ST3GAL3: variants seen among roughly 807,000 people sequenced by gnomAD.
ST3GAL3 encodes CMP-N-acetylneuraminate-beta-1,4-galactoside alpha-2,3-sialyltransferase.
ST3GAL3 carries 21 observed loss-of-function variants against 50.1 expected under a neutral mutation model. That is an observed-to-expected ratio of 0.42 (90% CI 0.30 to 0.60). The LOEUF is 0.60. Ranked by LOEUF, ST3GAL3 falls within the 20% of genes least tolerant of loss-of-function variation. The probability of loss-of-function intolerance (pLI) is 0.19; values close to 1 mark genes in which losing one functional copy is unlikely to be tolerated. For synonymous variants in ST3GAL3, 183 were observed against 190.0 expected (o/e 0.96, Z 0.30); for missense variants, 353 against 489.4 (o/e 0.72, Z 2.63).
rs141067037 is a variant in ST3GAL3 at position 43,887,675 on chromosome 1, A to C, written c.303-6708A>C. ...AATTGAGCAAGAATTGGGTTTGCGT[A>C]GAATATGAGACAGATGCTGAAACCT... On this transcript the variant is annotated intron_variant, in intron 5 of 11. Transcript: ENST00000347631. Among the ~76,000 whole-genome samples, 1,499 of 152,292 alleles carry C rather than the reference A, an allele frequency of 9.8e-3. 13 individuals carry two copies. The highest frequency in any genetic ancestry group is 0.017 in the Middle Eastern group (5 of 294).
At position 43,904,303 on chromosome 1, in the gene ST3GAL3, G is replaced by A. The variant is rs182481896; in HGVS notation, c.744+4576G>A. Among the ~76,000 whole-genome samples the A allele has an allele frequency of 9.9e-5, 15 of 152,218 alleles. No homozygotes were observed. In the East Asian group the frequency reaches 2.1e-3, roughly 22 times the overall value. ...GCACCTTCACCTGTTCCCTGTTCAA[G>A]CCTGAGAGGGATGCAGAGCCTTAGC... On this transcript the variant is annotated intron_variant, in intron 9 of 11. Transcript: ENST00000347631.
chr1:43,835,379 G>C (rs1200601556), intron 4 of ST3GAL3, among the ~76,000 whole-genome samples: 2 of 152,120 alleles, frequency 1.3e-5, no homozygotes. Context: ...ATAGTCAGGA[G>C]GCCATTTCTA....
intron 5 of ST3GAL3, 179 bp downstream of exon 5, chr1:43,838,490 C>A: frequency 1.6e-6 from 1 of 639,176 alleles, no homozygotes; most frequent in Non-Finnish European, 2.9e-6. Context: ...GTTGCTTTGC[C>A]TTACTCCCAT....
intron 4 of ST3GAL3, among the ~76,000 whole-genome samples, chr1:43,827,767 C>T (rs1400466246): frequency 6.6e-6 from 1 of 152,134 alleles, no homozygotes; most frequent in Non-Finnish European, 1.5e-5. Flanking sequence ...CTGCTTTGGC[C>T]TCCCAAAGTG....
intron 5 of ST3GAL3, among the ~76,000 whole-genome samples, chr1:43,883,459 A>G (rs2075485227): frequency 6.6e-6 from 1 of 152,238 alleles, no homozygotes; most frequent in Non-Finnish European, 1.5e-5. Context: ...AAGAGCATGA[A>G]CTGAGTGCCT....
intron 2 of ST3GAL3, among the ~76,000 whole-genome samples, chr1:43,787,090 C>T (rs2057440189): frequency 6.6e-6 from 1 of 152,234 alleles, no homozygotes; most frequent in South Asian, 2.1e-4. Flanking sequence ...ACACAGGAAA[C>T]ATCTGACTAT....
chr1:43,821,537 T>C (rs1014429034), intron 4 of ST3GAL3, among the ~76,000 whole-genome samples: 4 of 152,122 alleles, frequency 2.6e-5, no homozygotes, highest in East Asian at 1.9e-4. Context: ...AAGTAGGAAA[T>C]TGGACCAAGA....
At chr1:43,828,027 A>G (rs1239621810) in intron 4 of ST3GAL3, among the ~76,000 whole-genome samples, 1 of 152,268 alleles carries the variant, frequency 6.6e-6, no homozygotes, top group Non-Finnish European at 1.5e-5. Context: ...GATACAATCA[A>G]GATAGCGTAG....
chr1:43,865,237 T>C (rs1254697145), intron 5 of ST3GAL3, among the ~76,000 whole-genome samples: 1 of 151,924 alleles, frequency 6.6e-6, no homozygotes, highest in Admixed American at 6.6e-5. Context: ...CCAGGATGGT[T>C]TCGATCTCCT....
At chr1:43,854,086 C>T (rs1355927743) in intron 5 of ST3GAL3, among the ~76,000 whole-genome samples, 1 of 152,154 alleles carries the variant, frequency 6.6e-6, no homozygotes, top group African/African-American at 2.4e-5. Flanking sequence ...GCGTCCTTGC[C>T]AAATTTTGTC....
chr1:43,922,536 C>G (rs112353926), intron 11 of ST3GAL3: 2 of 151,404 alleles, frequency 1.3e-5, no homozygotes, highest in Admixed American at 6.6e-5. Context: ...CATGGTGGCT[C>G]ACGCCTGTAA....
chr1:43,917,171 A>G (rs2081950316), intron 9 of ST3GAL3: 2 of 151,904 alleles, frequency 1.3e-5, no homozygotes, highest in Non-Finnish European at 2.9e-5. Flanking sequence ...CCCTCAGCAG[A>G]CTACCACTAG....
intron 9 of ST3GAL3, among the ~76,000 whole-genome samples, chr1:43,910,630 C>T (rs1459965096): frequency 6.6e-6 from 1 of 152,222 alleles, no homozygotes; most frequent in Non-Finnish European, 1.5e-5. Flanking sequence ...GCGAGAGCAA[C>T]AGGGCCTGGG....
chr1:43,824,837 T>C (rs2062579760), intron 4 of ST3GAL3: 1 of 1,168,778 alleles, frequency 8.6e-7, no homozygotes, highest in Non-Finnish European at 1.3e-6. Flanking sequence ...TCTAGAGATT[T>C]TGAAGTCACT....
chr1:43,756,539 G>A (rs1471320295), intron 2 of ST3GAL3, among the ~76,000 whole-genome samples: 1 of 106,652 alleles, frequency 9.4e-6, no homozygotes, highest in African/African-American at 3.5e-5. Context: ...AACTATATAT[G>A]TATTGTATAC....
At chr1:43,770,211 T>TGAGGAGAGGAGAGGGGAGGG (rs544506145) in intron 2 of ST3GAL3, among the ~76,000 whole-genome samples, 4 of 92,022 alleles carry the variant, frequency 4.3e-5, no homozygotes, top group South Asian at 3.8e-4. Context: ...CAGAGAGAAG[T>TGAGGAGAGGAGAGGGGAGGG]GAGGAGAGGA....
In ST3GAL3 at chr1:43,907,459, C is replaced by T. The variant is rs1319640863; in HGVS notation, c.744+7732C>T. Among the ~76,000 whole-genome samples the T allele has an allele frequency of 2.0e-5, 3 of 152,316 alleles. No individual in the cohort carries two copies. The East Asian group carries it at 5.8e-4, about 29-fold the overall frequency. On this transcript the variant is annotated intron_variant, in intron 9 of 11. Coordinates refer to ENST00000347631, the MANE Select transcript of ST3GAL3 (RefSeq NM_006279.5). ...GCTGCTTCCCATTCCTGTGTCCTGT[C>T]CGGGGTCCTTGATCATCTCAGATCT...
intron 5 of ST3GAL3, among the ~76,000 whole-genome samples, chr1:43,844,186 G>A (rs2065864298): frequency 6.6e-6 from 1 of 152,190 alleles, no homozygotes; most frequent in African/African-American, 2.4e-5. Context: ...GGTTTTTATG[G>A]AGGCTTCTAT....
intron 9 of ST3GAL3, among the ~76,000 whole-genome samples, chr1:43,906,764 T>C (rs1006967360): frequency 6.6e-6 from 1 of 152,232 alleles, no homozygotes; most frequent in Non-Finnish European, 1.5e-5. Context: ...CTGTCACTTA[T>C]TAAGCTCTTC....
Sources: allele counts gnomAD v4.1 joint callset (sites outside exome capture counted in the v4.1 genomes callset), GRCh38; gene constraint gnomAD v4.1.1; transcripts MANE v1.5; gene names NCBI Gene and HGNC (gene_info 2026-07-23, HGNC 2026-07-21).